BNC2: variants seen among roughly 807,000 people sequenced by gnomAD.
BNC2 encodes zinc finger protein basonuclin-2.
BNC2 carries 20 observed loss-of-function variants against 76.3 expected under a neutral mutation model. The ratio of observed to expected loss-of-function variants is 0.26; its 90% CI spans 0.18 to 0.38. The LOEUF is 0.38. Among genes scored for constraint, BNC2 ranks in the 10% least tolerant of loss-of-function variants. The pLI, the probability that BNC2 is intolerant of heterozygous loss-of-function variation, is 1.00. For missense variants in BNC2, 1,382 were observed against 1,399.8 expected (o/e 0.99, Z 0.20); for synonymous variants, 582 against 514.8 (o/e 1.13, Z -1.77).
At position 16,539,817 on chromosome 9, in the gene BNC2, AGGAAAGGAAAGGAAG is replaced by A. The variant is rs1221063857; in HGVS notation, c.669+12698_669+12712del. ...AGGAAAGGAAAGGAAAGGAAAGGAA[AGGAAAGGAAAGGAAG>A]GGAAGGGAAGGGAAGGGAAAGGAAA... is the stretch of plus-strand genomic sequence containing the variant. On this transcript the variant is annotated intron_variant, in intron 5 of 6. Transcript: ENST00000380672. Among the ~76,000 whole-genome samples the A allele has an allele frequency of 1.5e-4, 21 of 137,920 alleles. 1 individual carries two copies. In the East Asian group the frequency reaches 3.4e-3, roughly 22 times the overall value. 90.5% of individuals were successfully genotyped at this position (137,920 alleles called of 152,430 possible).
chr9:16,681,354 C>G (rs373198369), intron 3 of BNC2, among the ~76,000 whole-genome samples: 2 of 152,156 alleles, frequency 1.3e-5, no homozygotes, highest in East Asian at 3.9e-4. Context: ...GCTGAATAAA[C>G]TTTAAACTCT....
intron 1 of BNC2, among the ~76,000 whole-genome samples, chr9:16,836,865 C>A (rs988211241): frequency 6.6e-6 from 1 of 151,998 alleles, no homozygotes; most frequent in African/African-American, 2.4e-5. Context: ...TCAGAAAAGG[C>A]CCTTGGGCTG....
At chr9:16,796,111 T>C (rs1817640448) in intron 1 of BNC2, among the ~76,000 whole-genome samples, 1 of 152,188 alleles carries the variant, frequency 6.6e-6, no homozygotes, top group African/African-American at 2.4e-5. Context: ...AGCAACACTG[T>C]TAGTGAGACA....
At chr9:16,683,597 G>GA (rs1367008893) in intron 3 of BNC2, among the ~76,000 whole-genome samples, 1 of 152,198 alleles carries the variant, frequency 6.6e-6, no homozygotes, top group East Asian at 1.9e-4. Flanking sequence ...CATTCTCTAG[G>GA]AAAAAATTTA....
intron 5 of BNC2, among the ~76,000 whole-genome samples, chr9:16,537,314 G>A (rs1048277390): frequency 6.6e-6 from 1 of 151,854 alleles, no homozygotes; most frequent in African/African-American, 2.4e-5. Flanking sequence ...TCCTTGAATC[G>A]CACTCGAAAC....
At chr9:16,444,537 C>G (rs1213623603) in intron 5 of BNC2, among the ~76,000 whole-genome samples, 2 of 152,022 alleles carry the variant, frequency 1.3e-5, no homozygotes, top group African/African-American at 4.8e-5. Context: ...TTCTGGATCA[C>G]CTCAGGAGTG....
chr9:16,814,111 TCTC>T (rs1183544278), intron 1 of BNC2, among the ~76,000 whole-genome samples: 1 of 152,206 alleles, frequency 6.6e-6, no homozygotes, highest in Admixed American at 6.5e-5. Flanking sequence ...ACTTGTTTCA[TCTC>T]CTCATCTACT....
At chr9:16,854,326 A>G (rs1019892268) in intron 1 of BNC2, among the ~76,000 whole-genome samples, 1 of 152,238 alleles carries the variant, frequency 6.6e-6, no homozygotes, top group Non-Finnish European at 1.5e-5. Flanking sequence ...GTACAGAATT[A>G]TTAAGAATCT....
chr9:16,706,321 T>C (rs1399304085), intron 3 of BNC2, among the ~76,000 whole-genome samples: 2 of 152,200 alleles, frequency 1.3e-5, no homozygotes, highest in Non-Finnish European at 2.9e-5. Flanking sequence ...TGTCCAATTG[T>C]TTTATTATTC....
intron 3 of BNC2, among the ~76,000 whole-genome samples, chr9:16,590,212 G>A (rs1273757601): frequency 6.6e-6 from 1 of 152,024 alleles, no homozygotes; most frequent in Non-Finnish European, 1.5e-5. Flanking sequence ...TTCTTTTTGA[G>A]ACAGAGTTTT....
chr9:16,764,776 T>C (rs1408122921), intron 1 of BNC2, among the ~76,000 whole-genome samples: 1 of 152,038 alleles, frequency 6.6e-6, no homozygotes, highest in Non-Finnish European at 1.5e-5. Flanking sequence ...CTTTCTACTT[T>C]AAAAATCAAA....
In BNC2 at chr9:16,411,629, C is replaced by A. The variant is rs998216125; in HGVS notation, c.*7360G>T. ...ATCATGTCAACTAATTGCCTTTGCT[C>A]GAACCCAAGAGTCCTTGCTCAAAGT... On this transcript the variant is annotated 3_prime_UTR_variant, in exon 7 of 7. Transcript: ENST00000380672. 6.6e-6 allele frequency: 1 copy of A among 152,576 alleles called. No homozygotes were observed. Among genetic ancestry groups the A allele is most frequent in the African/African-American group, 2.4e-5 (1 of 41,426 alleles). 9.5% of individuals were successfully genotyped at this position (152,576 alleles called of 1,614,324 possible).
At chr9:16,619,926 C>G (rs946967984) in intron 3 of BNC2, among the ~76,000 whole-genome samples, 9 of 152,190 alleles carry the variant, frequency 5.9e-5, no homozygotes, top group Admixed American at 5.2e-4. Context: ...GTAGAATCAA[C>G]ATTTTGCATG....
At chr9:16,725,483 G>C (rs1036302654) in intron 3 of BNC2, among the ~76,000 whole-genome samples, 2 of 151,954 alleles carry the variant, frequency 1.3e-5, no homozygotes, top group Non-Finnish European at 2.9e-5. Flanking sequence ...AGGTGGGTTG[G>C]GGGGATAGGA....
rs114343899 is a variant in BNC2, at chr9:16,552,483, C to T, written c.669+47G>A. 6,604 of 1,549,880 alleles carry T rather than the reference C, an allele frequency of 4.3e-3. 245 individuals are homozygous for T. In the African/African-American group the frequency reaches 0.075, roughly 18 times the overall value. ...TGTCAAGGACTCTCACCCTTCCCCA[C>T]CCACAGTCGGCCCCGGACACGGGCG... On this transcript the variant is annotated intron_variant, in intron 5 of 6. Transcript: ENST00000380672.
chr9:16,841,745 C>T (rs1818832262), intron 1 of BNC2, among the ~76,000 whole-genome samples: 1 of 151,418 alleles, frequency 6.6e-6, no homozygotes, highest in African/African-American at 2.4e-5. Context: ...GAGCTGCATG[C>T]ATGATGACTG....
intron 4 of BNC2, among the ~76,000 whole-genome samples, chr9:16,557,845 T>G (rs188341463): frequency 8.0e-5 from 10 of 124,862 alleles, no homozygotes; most frequent in South Asian, 6.5e-4. Context: ...TTCTTTTCTG[T>G]TTTTTTTTTG....
At chr9:16,554,580 A>G (rs917106820) in intron 4 of BNC2, among the ~76,000 whole-genome samples, 1 of 152,184 alleles carries the variant, frequency 6.6e-6, no homozygotes, top group Non-Finnish European at 1.5e-5. Context: ...AGGGCTTCAC[A>G]AGCCTAGGGA....
chr9:16,422,504 A>AC (rs942821823), intron 6 of BNC2, among the ~76,000 whole-genome samples: 1 of 152,188 alleles, frequency 6.6e-6, no homozygotes, highest in Non-Finnish European at 1.5e-5. Context: ...CCATTATGCA[A>AC]CCACAGTTCA....
Sources: gnomAD v4.1 joint callset for allele counts (sites outside exome capture counted in the v4.1 genomes callset) on GRCh38, gnomAD v4.1.1 for gene constraint, MANE v1.5 for transcripts, NCBI Gene and HGNC (gene_info 2026-07-23, HGNC 2026-07-21) for gene names.